KLRG1: variants seen among roughly 807,000 people sequenced by gnomAD.
KLRG1 encodes the protein killer cell lectin-like receptor subfamily G member 1.
In KLRG1, 16 loss-of-function variants were observed where a neutral mutation model predicts 21.8. The ratio of observed to expected loss-of-function variants is 0.73; its 90% CI spans 0.50 to 1.11. The LOEUF is 1.11. KLRG1 is among the 50% of genes most tolerant of loss of function. The probability of loss-of-function intolerance (pLI) is 0.00; values close to 1 mark genes in which losing one functional copy is unlikely to be tolerated. For synonymous variants in KLRG1, 69 were observed against 75.9 expected, an observed-to-expected ratio of 0.91 and a Z score of 0.47; for missense variants, 173 against 218.3, an observed-to-expected ratio of 0.79 and a Z score of 1.31.
chr12:8,958,436 A>C (rs2056379850), intron 1 of KLRG1, among the ~76,000 whole-genome samples: 1 of 152,174 alleles, frequency 6.6e-6, no homozygotes, highest in African/African-American at 2.4e-5. Flanking sequence ...TGATTCTTCT[A>C]GTTTTATATT....
chr12:9,061,306 G>A, the KLRG1 span, among the ~76,000 whole-genome samples: 2 of 151,920 alleles, frequency 1.3e-5, no homozygotes, highest in Non-Finnish European at 2.9e-5. Context: ...TAGAGATGGG[G>A]CCTTGCTATG....
the KLRG1 span, among the ~76,000 whole-genome samples, chr12:9,056,406 G>A: frequency 9.9e-5 from 15 of 152,244 alleles, no homozygotes; most frequent in South Asian, 2.3e-3. Context: ...GGGGGATCAC[G>A]CGGGTATGTG....
the KLRG1 span, among the ~76,000 whole-genome samples, chr12:9,103,122 A>C: frequency 6.6e-6 from 1 of 152,218 alleles, no homozygotes; most frequent in Non-Finnish European, 1.5e-5. Context: ...AAGTAAGGTA[A>C]TAATTTTTGG....
chr12:9,151,714 A>G, the KLRG1 span: 1 of 1,504,518 alleles, frequency 6.6e-7, no homozygotes, highest in Non-Finnish European at 9.2e-7. Context: ...TAGAGAACAG[A>G]TGTGAGAATG....
chr12:9,130,410 C>T, the KLRG1 span, among the ~76,000 whole-genome samples: 1 of 152,022 alleles, frequency 6.6e-6, no homozygotes, highest in Non-Finnish European at 1.5e-5. Context: ...TACAATCCCA[C>T]CAACTGCGCA....
At chr12:9,141,266 CA>C in the KLRG1 span, among the ~76,000 whole-genome samples, 3 of 152,098 alleles carry the variant, frequency 2.0e-5, no homozygotes, top group Non-Finnish European at 4.4e-5. Flanking sequence ...CAAAGAAAGC[CA>C]AACACCATTT....
At chr12:9,100,758 T>C in the KLRG1 span, among the ~76,000 whole-genome samples, 1 of 152,210 alleles carries the variant, frequency 6.6e-6, no homozygotes, top group East Asian at 1.9e-4. Flanking sequence ...AGCTCAGGAA[T>C]GGAAAACCAA....
At chr12:8,985,999 C>T (rs1386897807), upstream of KLRG1, among the ~76,000 whole-genome samples, 1 of 152,088 alleles carries the variant, frequency 6.6e-6, no homozygotes, top group African/African-American at 2.4e-5. Context: ...CAGAGGCCTT[C>T]CCCTTGGGGC....
chr12:9,085,959 T>A, the KLRG1 span, among the ~76,000 whole-genome samples: 1 of 151,834 alleles, frequency 6.6e-6, no homozygotes, highest in Non-Finnish European at 1.5e-5. Flanking sequence ...AAATAGAAAA[T>A]CTGAACTGAC....
the KLRG1 span, among the ~76,000 whole-genome samples, chr12:9,130,054 G>T: frequency 1.3e-5 from 2 of 152,110 alleles, no homozygotes; most frequent in African/African-American, 4.8e-5. Flanking sequence ...CTTCATATAG[G>T]TGAAATAATA....
At chr12:8,993,996 T>G (rs760081105) in intron 2 of KLRG1, among the ~76,000 whole-genome samples, 1 of 152,284 alleles carries the variant, frequency 6.6e-6, no homozygotes, top group South Asian at 2.1e-4. Context: ...GAAACTGAAG[T>G]AGAAAAATCA....
intron 1 of KLRG1, among the ~76,000 whole-genome samples, chr12:8,968,351 C>T (rs1438021351): frequency 6.6e-6 from 1 of 152,030 alleles, no homozygotes; most frequent in Admixed American, 6.5e-5. Flanking sequence ...TATTACTAAG[C>T]CTTGCTCTAA....
At chr12:9,069,831 A>T in the KLRG1 span, 1 of 1,611,970 alleles carries the variant, frequency 6.2e-7, no homozygotes, top group South Asian at 1.1e-5. Context: ...AAATTGAAAT[A>T]CCACAAATGT....
the KLRG1 span, among the ~76,000 whole-genome samples, chr12:9,021,874 A>C: frequency 6.6e-6 from 1 of 151,942 alleles, no homozygotes; most frequent in South Asian, 2.1e-4. Context: ...CTTCTGCAAC[A>C]CCTCCTAAAG....
intron 3 of KLRG1, among the ~76,000 whole-genome samples, chr12:8,999,826 G>T (rs1171381796): frequency 1.3e-5 from 2 of 152,160 alleles, no homozygotes; most frequent in African/African-American, 2.4e-5. Context: ...ATGATTTGAG[G>T]TCAGAAGTTC....
chr12:9,030,690 G>C, the KLRG1 span, among the ~76,000 whole-genome samples: 3 of 152,214 alleles, frequency 2.0e-5, no homozygotes, highest in African/African-American at 7.2e-5. Context: ...ACAGGCGTGA[G>C]CCACTGTGCC....
In KLRG1 at chr12:8,992,268, G is replaced by T; in HGVS notation, c.145G>T (p.Val49Phe). The T allele has an allele frequency of 1.2e-6, 2 of 1,613,902 alleles. No individual in the cohort carries two copies. The highest frequency in any genetic ancestry group is 1.7e-6 in the Non-Finnish European group (2 of 1,179,876). The change falls in exon 2 of 5, where the codon GTT becomes TTT. Residue 49 changes from valine to phenylalanine, a missense_variant. Coordinates refer to ENST00000356986, the MANE Select transcript of KLRG1 (RefSeq NM_005810.4). ...VAIALGLLTAVLLSVLLYQWI... is the reference protein window; with the variant it reads ...VAIALGLLTAFLLSVLLYQWI... ...AATAGCTTTGGGGCTTCTGACTGCA[G>T]TTCTTCTGAGTGTGCTGCTATACCA... is the stretch of plus-strand genomic sequence containing the variant.
intron 1 of KLRG1, among the ~76,000 whole-genome samples, chr12:8,956,928 C>A (rs1946304802): frequency 6.6e-6 from 1 of 152,142 alleles, no homozygotes; most frequent in Non-Finnish European, 1.5e-5. Flanking sequence ...CCTGGCTTGC[C>A]CTTGGTGGGT....
At chr12:9,032,704 C>T in the KLRG1 span, among the ~76,000 whole-genome samples, 1 of 152,148 alleles carries the variant, frequency 6.6e-6, no homozygotes, top group Non-Finnish European at 1.5e-5. Flanking sequence ...TAGATGACAT[C>T]AACTGTTATA....
Sources: gnomAD v4.1 joint callset for allele counts (sites outside exome capture counted in the v4.1 genomes callset) on GRCh38, gnomAD v4.1.1 for gene constraint, MANE v1.5 for transcripts, NCBI Gene and HGNC (gene_info 2026-07-23, HGNC 2026-07-21) for gene names.